Variants in CDK13 observed in about 807,000 individuals in gnomAD.
The protein encoded by CDK13 is cyclin-dependent kinase 13.
Under a neutral mutation model 137.6 loss-of-function variants are expected in CDK13, and 40 were observed. The ratio of observed to expected loss-of-function variants is 0.29; its 90% CI spans 0.23 to 0.38. The LOEUF (loss-of-function observed/expected upper bound fraction) is 0.38. Ranked by LOEUF, CDK13 falls within the 10% of genes least tolerant of loss-of-function variation. The pLI, the probability that CDK13 is intolerant of heterozygous loss-of-function variation, is 1.00. For synonymous variants in CDK13, 869 were observed against 760.1 expected (o/e 1.14, Z -2.36); for missense variants, 1,704 against 1,951.8 (o/e 0.87, Z 2.39).
chr7:40,003,467 CTTAAA>C lies in CDK13; in HGVS notation c.2353+1440_2353+1444del, dbSNP rs1784736692. 2.0e-5 allele frequency among the ~76,000 whole-genome samples: 3 copies of C among 152,142 alleles called. No individual in the cohort carries two copies. The South Asian group carries it at 6.2e-4, about 32-fold the overall frequency. ...TGTGGTTGATGGGGTACTGGTGTGA[CTTAAA>C]TTAGAATGTCTGGGTCTTGAGACTT... On this transcript the variant is annotated intron_variant, in intron 5 of 13. Transcript: ENST00000181839.
intron 5 of CDK13, among the ~76,000 whole-genome samples, chr7:40,003,550 G>A (rs1240197048): frequency 6.6e-6 from 1 of 152,102 alleles, no homozygotes. Context: ...TTTTGAGTCT[G>A]TTATCCCTTC....
In CDK13 at chr7:40,080,188, A is replaced by G. The variant is rs192940835; in HGVS notation, c.3029+1337A>G. ...TTTTTAGTAGAGATGGGATTTCACC[A>G]TGTTGGCCAGGCTGGTCTTGAACTC... On this transcript the variant is annotated intron_variant, in intron 11 of 13. Transcript: ENST00000181839. 6.3e-4 allele frequency among the ~76,000 whole-genome samples: 96 copies of G among 152,142 alleles called. 2 individuals carry two copies. The highest frequency in any genetic ancestry group is 2.0e-3 in the African/African-American group (82 of 41,506).
rs149155314 is a variant in CDK13, at chr7:39,954,315, A to C, written c.1211+2463A>C. 8.4e-3 allele frequency among the ~76,000 whole-genome samples: 1,284 copies of C among 152,318 alleles called. 8 individuals are homozygous for C. Among genetic ancestry groups the C allele is most frequent in the South Asian group, 0.016 (76 of 4,832 alleles). ...AAATCTAAAGATTTTAAAATATAAT[A>C]AGTGTATTGTTACTTTTTAGGAACG... On this transcript the variant is annotated intron_variant, in intron 1 of 13. Transcript: ENST00000181839.
intron 7 of CDK13, chr7:40,049,154 C>T (rs1361814030): frequency 7.9e-6 from 1 of 125,920 alleles, no homozygotes; most frequent in Admixed American, 9.1e-5. Context: ...GAGATCACAC[C>T]ACTGTACTCC....
Position 40,053,836 on chromosome 7 carries a change from T to C in CDK13, c.2600+5959T>C, listed in dbSNP as rs17538097. Among the ~76,000 whole-genome samples, 424 of 151,212 alleles carry C rather than the reference T, an allele frequency of 2.8e-3. 2 individuals are homozygous for C. Among genetic ancestry groups the C allele is most frequent in the African/African-American group, 9.7e-3 (403 of 41,446 alleles). On this transcript the variant is annotated intron_variant, in intron 7 of 13. Coordinates refer to ENST00000181839, the MANE Select transcript of CDK13 (RefSeq NM_003718.5). ...TTTGTGTACATCACTTTATTATACA[T>C]AGTTTCCTTTCACAAGAATTATTTT...
At chr7:40,086,116 A>G (rs547456534) in intron 11 of CDK13, among the ~76,000 whole-genome samples, 1 of 152,292 alleles carries the variant, frequency 6.6e-6, no homozygotes, top group African/African-American at 2.4e-5. Flanking sequence ...TGTTTGTAAT[A>G]TTTTGGGAAT....
chr7:39,976,931 A>G (rs1784125061), intron 1 of CDK13, among the ~76,000 whole-genome samples: 1 of 152,114 alleles, frequency 6.6e-6, no homozygotes, highest in African/African-American at 2.4e-5. Context: ...TGATACAACA[A>G]TGAATTAGAC....
At chr7:39,979,221 T>TC (rs1784173506) in intron 1 of CDK13, among the ~76,000 whole-genome samples, 1 of 147,846 alleles carries the variant, frequency 6.8e-6, no homozygotes, top group Middle Eastern at 3.2e-3. Flanking sequence ...TTTTTCTTTT[T>TC]TTTTTTTTTT....
At chr7:40,055,893 T>G (rs1463441811) in intron 7 of CDK13, among the ~76,000 whole-genome samples, 7 of 152,302 alleles carry the variant, frequency 4.6e-5, no homozygotes, top group African/African-American at 1.7e-4. Context: ...GATTTTCTTT[T>G]ATTTGTCTGT....
chr7:40,027,346 C>A (rs529370218), intron 5 of CDK13, among the ~76,000 whole-genome samples: 1 of 152,114 alleles, frequency 6.6e-6, no homozygotes, highest in Non-Finnish European at 1.5e-5. Flanking sequence ...CTGTCTCACA[C>A]AAACACACAA....
At chr7:40,082,298 C>T (rs966619621) in intron 11 of CDK13, among the ~76,000 whole-genome samples, 4 of 151,574 alleles carry the variant, frequency 2.6e-5, no homozygotes, top group East Asian at 4.0e-4. Context: ...ACCAGCCTGG[C>T]CAGGATGGTG....
intron 7 of CDK13, among the ~76,000 whole-genome samples, chr7:40,055,225 G>A (rs1465543969): frequency 6.7e-6 from 1 of 148,704 alleles, no homozygotes; most frequent in Non-Finnish European, 1.5e-5. Flanking sequence ...TTTATTGCTT[G>A]GAATTGATCT....
At chr7:40,016,964 A>T (rs967651928) in intron 5 of CDK13, among the ~76,000 whole-genome samples, 2 of 152,132 alleles carry the variant, frequency 1.3e-5, no homozygotes, top group South Asian at 4.1e-4. Context: ...AGATAAGAAT[A>T]CCATGGCCAG....
intron 2 of CDK13, 112 bp downstream of exon 2, chr7:39,988,370 T>A: frequency 1.4e-6 from 1 of 693,706 alleles, no homozygotes; most frequent in Non-Finnish European, 2.3e-6. Flanking sequence ...TGAAAAAGAC[T>A]ACAAGTGAAT....
intron 5 of CDK13, among the ~76,000 whole-genome samples, chr7:40,040,833 T>G (rs1251843289): frequency 6.6e-6 from 1 of 152,112 alleles, no homozygotes; most frequent in African/African-American, 2.4e-5. Context: ...CTGTAATAAT[T>G]TTTTTGTTGT....
chr7:40,043,292 C>T lies in CDK13; in HGVS notation c.2354-2544C>T, dbSNP rs146740940. On this transcript the variant is annotated intron_variant, in intron 5 of 13. Coordinates refer to ENST00000181839, the MANE Select transcript of CDK13 (RefSeq NM_003718.5). Reference sequence around the variant, plus strand: ...ATTTTTATAATTATTAGATATATAACTGGGATTTGTTTTCTGGTGTGTATT... The same window carrying T: ...ATTTTTATAATTATTAGATATATAATTGGGATTTGTTTTCTGGTGTGTATT... Among the ~76,000 whole-genome samples, 1,026 of 152,204 alleles carry T rather than the reference C, an allele frequency of 6.7e-3. 12 individuals are homozygous for T. The highest frequency in any genetic ancestry group is 0.023 in the African/African-American group (956 of 41,526).
At chr7:40,040,649 T>C (rs1785585061) in intron 5 of CDK13, among the ~76,000 whole-genome samples, 1 of 152,204 alleles carries the variant, frequency 6.6e-6, no homozygotes, top group South Asian at 2.1e-4. Context: ...TGTGTACTTT[T>C]CTGTCTTGTA....
At chr7:40,087,332 A>G (rs17496684) in intron 11 of CDK13, among the ~76,000 whole-genome samples, 48 of 151,912 alleles carry the variant, frequency 3.2e-4, no homozygotes, top group African/African-American at 1.1e-3. Context: ...TGGCAAAGAC[A>G]GGGTTTTGCC....
chr7:39,980,845 C>G (rs927313538), intron 1 of CDK13, among the ~76,000 whole-genome samples: 11 of 152,178 alleles, frequency 7.2e-5, no homozygotes, highest in African/African-American at 9.7e-5. Flanking sequence ...ATACATTGCT[C>G]TCCAAGGAAC....
Sources: gnomAD v4.1 joint callset for allele counts (sites outside exome capture counted in the v4.1 genomes callset) on GRCh38, gnomAD v4.1.1 for gene constraint, MANE v1.5 for transcripts, NCBI Gene and HGNC (gene_info 2026-07-23, HGNC 2026-07-21) for gene names.